The following PCDH7 variants were observed in gnomAD, a reference collection of about 807,000 sequenced individuals.
PCDH7 encodes the protein protocadherin-7.
In PCDH7, 17 loss-of-function variants were observed where a neutral mutation model predicts 58.9. The observed-to-expected ratio is 0.29, with a 90% CI of 0.20 to 0.43. PCDH7 has a LOEUF of 0.43. PCDH7 is among the 20% of genes least tolerant of loss of function. PCDH7 has a pLI of 1.00. For missense variants in PCDH7, 1,274 were observed against 1,441.0 expected, an observed-to-expected ratio of 0.88 and a Z score of 1.88; for synonymous variants, 664 against 616.4, an observed-to-expected ratio of 1.08 and a Z score of -1.14.
chr4:30,910,799 C>T (rs963167214), intron 1 of PCDH7, among the ~76,000 whole-genome samples: 2 of 152,142 alleles, frequency 1.3e-5, no homozygotes, highest in Non-Finnish European at 2.9e-5. Flanking sequence ...CCAGCAATCT[C>T]ATGACTGGGT....
At chr4:31,015,451 C>A (rs1753535078) in intron 3 of PCDH7, among the ~76,000 whole-genome samples, 1 of 152,074 alleles carries the variant, frequency 6.6e-6, no homozygotes, top group African/African-American at 2.4e-5. Flanking sequence ...TAACACAAAC[C>A]ATGGAACACT....
rs1465669464 is a variant in PCDH7, at chr4:30,721,359, C to A, written c.-64C>A. On this transcript the variant is annotated 5_prime_UTR_variant, in exon 1 of 2. Coordinates refer to ENST00000361762, the Ensembl canonical transcript of PCDH7. The surrounding 1 kb of genome is among the most constrained non-coding windows in gnomAD (Gnocchi z 6.7). ...TCGGGGGAGGGCAGGCGGCCGGCCC[C>A]GGAGGAGGGGGGCGCCGAGGGGGCT... 4.3e-6 allele frequency: 6 copies of A among 1,411,212 alleles called. No homozygotes were observed. In the African/African-American group the frequency reaches 7.3e-5, roughly 17 times the overall value. 87.4% of individuals were successfully genotyped at this position (1,411,212 alleles called of 1,614,324 possible).
At position 30,720,557 on chromosome 4, in the gene PCDH7, G is replaced by T. The variant is rs1713331241; in HGVS notation, c.-866G>T. ...GCTGCTTCGTGACTAATGACCTTGC[G>T]CAGAGTTGTTAAGAAAAAAGAGAAA... On this transcript the variant is annotated 5_prime_UTR_variant, in exon 1 of 2. Coordinates refer to ENST00000361762, the Ensembl canonical transcript of PCDH7. The surrounding 1 kb of genome is among the most constrained non-coding windows in gnomAD (Gnocchi z 4.7). 2 of 152,710 alleles carry T rather than the reference G, an allele frequency of 1.3e-5. No individual in the cohort carries two copies. The highest frequency in any genetic ancestry group is 1.9e-4 in the East Asian group (1 of 5,168). The allele number at this position is 152,710 out of a possible 1,614,324, so 9.5% of individuals were successfully genotyped here. A position where few individuals can be genotyped will look rare whatever the true frequency, so the allele number is the denominator to read the frequency against.
intron 2 of PCDH7, among the ~76,000 whole-genome samples, chr4:30,937,425 A>G (rs1745494350): frequency 6.6e-6 from 1 of 152,218 alleles, no homozygotes; most frequent in East Asian, 1.9e-4. Context: ...GGTCACAAAT[A>G]TTTTTAACTG....
chr4:30,932,240 A>T (rs950379122), intron 2 of PCDH7, among the ~76,000 whole-genome samples: 1 of 152,232 alleles, frequency 6.6e-6, no homozygotes, highest in Non-Finnish European at 1.5e-5. Context: ...ATTCCAGTCC[A>T]TTTGATGTTT....
intron 3 of PCDH7, among the ~76,000 whole-genome samples, chr4:31,078,477 CTTTTTTCTTTTT>C (rs1435173866): frequency 6.7e-6 from 1 of 148,736 alleles, no homozygotes; most frequent in Non-Finnish European, 1.5e-5. Context: ...TCTTTCTTTT[CTTTTTTCTTTTT>C]TTTTTTTTTG....
intron 1 of PCDH7, among the ~76,000 whole-genome samples, chr4:30,894,943 G>A (rs1423198947): frequency 6.6e-6 from 1 of 151,476 alleles, no homozygotes; most frequent in Non-Finnish European, 1.5e-5. Flanking sequence ...ATGTTATTTA[G>A]CAAATTTGTA....
chr4:30,964,074 TCTTTATATTATCTTATTCCAA>T (rs1260981679), intron 3 of PCDH7, among the ~76,000 whole-genome samples: 2 of 152,146 alleles, frequency 1.3e-5, no homozygotes, highest in Non-Finnish European at 2.9e-5. Flanking sequence ...CATTGAACTG[TCTTTATATTATCTTATTCCAA>T]TAATGGCATA....
intron 1 of PCDH7, among the ~76,000 whole-genome samples, chr4:30,767,728 AT>A (rs779250906): frequency 2.6e-5 from 4 of 152,240 alleles, no homozygotes; most frequent in Admixed American, 6.5e-5. Context: ...AAATAGCAAA[AT>A]CAGATCTTAC....
intron 3 of PCDH7, among the ~76,000 whole-genome samples, chr4:31,000,631 T>C (rs1752289654): frequency 6.6e-6 from 1 of 152,068 alleles, no homozygotes; most frequent in South Asian, 2.1e-4. Flanking sequence ...TCGCTTTCTT[T>C]ATTATCTTCT....
chr4:31,022,036 T>C (rs938885863), intron 3 of PCDH7, among the ~76,000 whole-genome samples: 22 of 152,196 alleles, frequency 1.4e-4, no homozygotes, highest in Non-Finnish European at 8.8e-5. Context: ...GGGATAATTA[T>C]TGTCGTTTAA....
chr4:30,974,986 A>T (rs1178843998), intron 3 of PCDH7, among the ~76,000 whole-genome samples: 2 of 152,142 alleles, frequency 1.3e-5, no homozygotes, highest in Non-Finnish European at 2.9e-5. Context: ...GAACCATTAG[A>T]GCAAGGAGAT....
intron 1 of PCDH7, among the ~76,000 whole-genome samples, chr4:30,850,554 G>A (rs1247053258): frequency 6.6e-6 from 1 of 152,148 alleles, no homozygotes; most frequent in East Asian, 1.9e-4. Context: ...GGAGGGGGGA[G>A]GGGGTTGGTT....
chr4:30,813,794 A>T (rs1727302417), intron 1 of PCDH7, among the ~76,000 whole-genome samples: 1 of 152,108 alleles, frequency 6.6e-6, no homozygotes, highest in African/African-American at 2.4e-5. Context: ...GGCGCCTGCC[A>T]CCACACCCGG....
intron 3 of PCDH7, among the ~76,000 whole-genome samples, chr4:31,048,215 G>T (rs1756444096): frequency 6.6e-6 from 1 of 151,902 alleles, no homozygotes; most frequent in African/African-American, 2.4e-5. Context: ...ACAAGAAAAA[G>T]AATATCTCAG....
intron 3 of PCDH7, among the ~76,000 whole-genome samples, chr4:31,122,105 T>A (rs1423952507): frequency 6.6e-6 from 1 of 152,134 alleles, no homozygotes; most frequent in Non-Finnish European, 1.5e-5. Context: ...GAGCAGCATA[T>A]TGTACTGTTT....
intron 3 of PCDH7, among the ~76,000 whole-genome samples, chr4:31,041,572 G>A (rs1239841740): frequency 6.6e-6 from 1 of 151,986 alleles, no homozygotes; most frequent in Non-Finnish European, 1.5e-5. Flanking sequence ...GCCAGTTAAA[G>A]TTACCCCCCA....
At chr4:31,042,187 T>C (rs1260898854) in intron 3 of PCDH7, among the ~76,000 whole-genome samples, 3 of 152,174 alleles carry the variant, frequency 2.0e-5, no homozygotes, top group South Asian at 2.1e-4. Flanking sequence ...TTTATTCATA[T>C]GTTTGATTGA....
intron 1 of PCDH7, among the ~76,000 whole-genome samples, chr4:30,757,061 G>A (rs565934033): frequency 6.6e-6 from 1 of 152,132 alleles, no homozygotes; most frequent in Non-Finnish European, 1.5e-5. Context: ...TCCTTTCAAT[G>A]TCACATTCCC....
Sources: allele counts gnomAD v4.1 joint callset (sites outside exome capture counted in the v4.1 genomes callset), GRCh38; gene constraint gnomAD v4.1.1; non-coding constraint Gnocchi (gnomAD v3.1); transcripts MANE v1.5; gene names NCBI Gene and HGNC (gene_info 2026-07-23, HGNC 2026-07-21).